CFLAR: variants seen among roughly 807,000 people sequenced by gnomAD.
CFLAR encodes CASP8 and FADD like apoptosis regulator, also known as CASP8 and FADD-like apoptosis regulator.
Under a neutral mutation model 51.1 loss-of-function variants are expected in CFLAR, and 14 were observed. The observed-to-expected ratio is 0.27, with a 90% CI of 0.18 to 0.43. The LOEUF is 0.43. CFLAR is among the 20% of genes least tolerant of loss of function. The pLI, the probability that CFLAR is intolerant of heterozygous loss-of-function variation, is 1.00. For synonymous variants in CFLAR, 210 were observed against 211.6 expected (o/e 0.99, Z 0.06); for missense variants, 390 against 566.5 (o/e 0.69, Z 3.16).
Position 201,118,839 on chromosome 2 carries a change from CCG to C in CFLAR, c.-138+2359_-138+2360del, listed in dbSNP as rs886127018. ...TGCGGAGCAGCAGGTCTGAGCTTGTCCGGCGAGGGTGGGAGTTGGTCCCGGCG... is the reference window on the plus strand; with the variant it reads ...TGCGGAGCAGCAGGTCTGAGCTTGTCGCGAGGGTGGGAGTTGGTCCCGGCG... On this transcript the variant is annotated intron_variant, in intron 1 of 9. Coordinates refer to ENST00000309955, the MANE Select transcript of CFLAR (RefSeq NM_003879.7). The surrounding 1 kb of genome is among the most constrained non-coding windows in gnomAD (Gnocchi z 5.1). The C allele has an allele frequency of 1.3e-5, 2 of 152,418 alleles. No individual in the cohort carries two copies. Among genetic ancestry groups the C allele is most frequent in the African/African-American group, 4.8e-5 (2 of 41,454 alleles). The allele number at this position is 152,418 out of a possible 1,614,324, so 9.4% of individuals were successfully genotyped here.
In CFLAR at chr2:201,163,916, A is replaced by G. The variant is rs747736216; in HGVS notation, c.1386A>G (p.Lys462=). Residue 462 remains lysine, a synonymous_variant, in exon 10 of 10, where the codon AAA becomes AAG. Transcript: ENST00000309955. ...DWNSRVSAKE[K]YYVWLQHTLR... ...ACAGCAGAGTTTCTGCCAAGGAGAA[A>G]TATTATGTCTGGCTGCAGCACACTC... 3 of 1,614,120 alleles carry G rather than the reference A, an allele frequency of 1.9e-6. No homozygotes were observed. Among genetic ancestry groups the G allele is most frequent in the South Asian group, 2.2e-5 (2 of 91,076 alleles).
In CFLAR at chr2:201,165,497, C is replaced by G. The variant is rs1943448501; in HGVS notation, c.*1524C>G. On this transcript the variant is annotated 3_prime_UTR_variant, in exon 10 of 10. Transcript: ENST00000309955. ...ATGTTGGCCAGCGTGGTCTTGAACT[C>G]CTGACCTCAGGTGATTCACCAGCCT... 1 of 152,208 alleles carries G rather than the reference C, an allele frequency of 6.6e-6. No individual in the cohort carries two copies. The highest frequency in any genetic ancestry group is 1.5e-5 in the Non-Finnish European group (1 of 68,180). 9.4% of individuals were successfully genotyped at this position (152,208 alleles called of 1,614,324 possible). A position where few individuals can be genotyped will look rare whatever the true frequency, so the allele number is the denominator to read the frequency against.
rs1314957990 is a variant in CFLAR, at chr2:201,174,056, T to C, written c.*10083T>C. ...TTATCAGGTACAATCTTTGTGAATA[T>C]ATTCTCCCATTCCATGGATTGTCTT... On this transcript the variant is annotated 3_prime_UTR_variant, in exon 10 of 10. Coordinates refer to ENST00000309955, the MANE Select transcript of CFLAR (RefSeq NM_003879.7). 6.6e-6 allele frequency: 1 copy of C among 152,264 alleles called. No homozygotes were observed. The highest frequency in any genetic ancestry group is 1.5e-5 in the Non-Finnish European group (1 of 68,048). 9.4% of individuals were successfully genotyped at this position (152,264 alleles called of 1,614,324 possible).
At chr2:201,119,748 A>G (rs2047984709) in intron 1 of CFLAR, among the ~76,000 whole-genome samples, 1 of 151,866 alleles carries the variant, frequency 6.6e-6, no homozygotes, top group South Asian at 2.1e-4. Context: ...GTCAAGTTGT[A>G]TTATAATTAT....
chr2:201,147,657 C>T (rs1940480952), intron 6 of CFLAR: 1 of 152,188 alleles, frequency 6.6e-6, no homozygotes, highest in South Asian at 2.1e-4. Context: ...ATCACGAGGT[C>T]AGGAGTTGGA....
intron 1 of CFLAR, among the ~76,000 whole-genome samples, chr2:201,125,989 C>G (rs1406394345): frequency 6.6e-6 from 1 of 152,054 alleles, no homozygotes; most frequent in African/African-American, 2.4e-5. Flanking sequence ...GGGAAAAAGG[C>G]CAGATAATTG....
At chr2:201,145,678 G>A (rs1466237556) in intron 6 of CFLAR, 2 of 419,294 alleles carry the variant, frequency 4.8e-6, no homozygotes, top group South Asian at 3.6e-5. Context: ...GTTAAGAGAT[G>A]TGATGTTTAT....
Position 201,140,382 on chromosome 2 carries a change from G to C in CFLAR, c.549G>C (p.Arg183Ser). The stretch of plus-strand genomic sequence containing the variant: ...TTCAAGGAGCAGGGACAAGTTACAG[G>C]AATGTTCTCCAAGCAGCAATCCAAA... ...QSVQGAGTSY[R>S]NVLQAAIQKS... is the part of the protein sequence containing the mutation. Residue 183 changes from arginine (R) to serine (S), a missense_variant, in exon 5 of 10, where the codon AGG (arginine) becomes AGC (serine). Coordinates refer to ENST00000309955, the MANE Select transcript of CFLAR (RefSeq NM_003879.7). The C allele has an allele frequency of 6.2e-7, 1 of 1,611,144 alleles. No homozygotes were observed. The highest frequency in any genetic ancestry group is 2.2e-5 in the East Asian group (1 of 44,570).
At chr2:201,140,144 T>A (rs1477244220) in intron 4 of CFLAR, 15 of 322,812 alleles carry the variant, frequency 4.6e-5, no homozygotes, top group Non-Finnish European at 6.6e-5. Context: ...GGGCGGGGGC[T>A]GCGGCAGCGG....
intron 4 of CFLAR, chr2:201,137,902 C>A: frequency 2.6e-6 from 2 of 773,194 alleles, no homozygotes; most frequent in Non-Finnish European, 2.4e-6. Flanking sequence ...AGCAGGGAGC[C>A]CATCATCACT....
chr2:201,130,508 T>C (rs1028296090), intron 2 of CFLAR, among the ~76,000 whole-genome samples: 2 of 151,818 alleles, frequency 1.3e-5, no homozygotes, highest in Non-Finnish European at 2.9e-5. Context: ...ACTACAGGCG[T>C]GCGCCACCAT....
intron 8 of CFLAR, among the ~76,000 whole-genome samples, chr2:201,155,516 G>A (rs1394479690): frequency 2.0e-5 from 3 of 152,038 alleles, no homozygotes; most frequent in South Asian, 2.1e-4. Context: ...CGCCCGCCTC[G>A]GCCTCCCAAA....
intron 8 of CFLAR, among the ~76,000 whole-genome samples, chr2:201,160,009 T>C (rs933903294): frequency 7.2e-5 from 11 of 152,178 alleles, no homozygotes. Context: ...CATGTGGGCC[T>C]CTCTGAGGGA....
intron 4 of CFLAR, chr2:201,137,693 G>A (rs1287841692): frequency 6.5e-5 from 50 of 763,720 alleles, no homozygotes; most frequent in Non-Finnish European, 1.1e-4. Context: ...GGTAGGGCAC[G>A]AACTTCTGAA....
At chr2:201,130,172 T>TGGTG in intron 2 of CFLAR, 26 bp downstream of exon 2, 1 of 78,094 alleles carries the variant, frequency 1.3e-5, no homozygotes, top group Non-Finnish European at 3.0e-5. Flanking sequence ...TTCCTGAGGC[T>TGGTG]GGGTGGGTGG....
Position 201,124,865 on chromosome 2 carries a change from G to GT in CFLAR, c.-137-4861dup, listed in dbSNP as rs2048533423. 1.3e-5 allele frequency among the ~76,000 whole-genome samples: 2 copies of GT among 152,098 alleles called. No individual in the cohort carries two copies. Among genetic ancestry groups the GT allele is most frequent in the Admixed American group, 1.3e-4 (2 of 15,274 alleles). ...GTGTGAGCTCAGCCAAGGGAGAAGA[G>GT]TTTCAAGGAGGGATGAATTAGCAGT... On this transcript the variant is annotated intron_variant, in intron 1 of 9. Coordinates refer to ENST00000309955, the MANE Select transcript of CFLAR (RefSeq NM_003879.7). The surrounding 1 kb of genome is among the most constrained non-coding windows in gnomAD (Gnocchi z 4.7).
At chr2:201,141,198 C>G (rs1938752033) in intron 5 of CFLAR, among the ~76,000 whole-genome samples, 1 of 152,096 alleles carries the variant, frequency 6.6e-6, no homozygotes, top group Non-Finnish European at 1.5e-5. Context: ...CCATTGTACT[C>G]CAGCCTGGGT....
intron 5 of CFLAR, among the ~76,000 whole-genome samples, chr2:201,143,020 C>G (rs1387545396): frequency 6.6e-6 from 1 of 152,126 alleles, no homozygotes; most frequent in Non-Finnish European, 1.5e-5. Context: ...GCTTTCTCTG[C>G]TATTGTCTGT....
chr2:201,122,442 G>T (rs1398415859), intron 1 of CFLAR: 1 of 152,182 alleles, frequency 6.6e-6, no homozygotes, highest in Non-Finnish European at 1.5e-5. Context: ...TGTTATGAAG[G>T]GATGAGTAAG....
Sources: gnomAD v4.1 joint callset for allele counts (sites outside exome capture counted in the v4.1 genomes callset) on GRCh38, gnomAD v4.1.1 for gene constraint, Gnocchi (gnomAD v3.1) non-coding constraint, MANE v1.5 for transcripts, NCBI Gene and HGNC (gene_info 2026-07-23, HGNC 2026-07-21) for gene names.